The following TP63 variants were observed in gnomAD, a reference collection of about 807,000 sequenced individuals.
The protein encoded by TP63 is tumor protein 63.
Under a neutral mutation model 82.8 loss-of-function variants are expected in TP63, and 17 were observed. The ratio of observed to expected loss-of-function variants is 0.21; its 90% CI spans 0.14 to 0.31. The LOEUF (loss-of-function observed/expected upper bound fraction) is 0.31. TP63 is among the 10% of genes least tolerant of loss of function. The pLI, the probability that TP63 is intolerant of heterozygous loss-of-function variation, is 1.00. For synonymous variants in TP63, 330 were observed against 321.7 expected, an observed-to-expected ratio of 1.03 and a Z score of -0.28; for missense variants, 648 against 895.3, an observed-to-expected ratio of 0.72 and a Z score of 3.52.
At chr3:189,763,350 C>T (rs1358013506) in intron 3 of TP63, among the ~76,000 whole-genome samples, 1 of 152,156 alleles carries the variant, frequency 6.6e-6, no homozygotes, top group Non-Finnish European at 1.5e-5. Context: ...CAAACTCTAT[C>T]TGAATAATGT....
intron 1 of TP63, among the ~76,000 whole-genome samples, chr3:189,662,665 G>A (rs142270127): frequency 6.6e-6 from 1 of 151,830 alleles, no homozygotes; most frequent in Non-Finnish European, 1.5e-5. Context: ...CAAATATATA[G>A]TACAGTATTT....
intron 10 of TP63, among the ~76,000 whole-genome samples, chr3:189,883,289 C>G (rs541229850): frequency 1.3e-5 from 2 of 152,214 alleles, no homozygotes; most frequent in South Asian, 2.1e-4. Context: ...TCTTCTAGTT[C>G]AGTCATTTTG....
chr3:189,738,833 A>G, intron 3 of TP63, 59 bp downstream of exon 3: 1 of 1,599,974 alleles, frequency 6.3e-7, no homozygotes, highest in Non-Finnish European at 8.5e-7. Flanking sequence ...GCTCTGTTAA[A>G]CCTGTCTTTT....
At chr3:189,653,939 G>A (rs1713106242) in intron 1 of TP63, among the ~76,000 whole-genome samples, 1 of 152,050 alleles carries the variant, frequency 6.6e-6, no homozygotes, top group South Asian at 2.1e-4. Context: ...GTGTTTCATG[G>A]GGTCCTAAGT....
the TP63 span, among the ~76,000 whole-genome samples, chr3:189,598,241 TGGAGA>T: frequency 2.2e-5 from 3 of 137,202 alleles, no homozygotes; most frequent in African/African-American, 8.3e-5. Flanking sequence ...GGAGTAGAGA[TGGAGA>T]GGAGAGGAGG....
chr3:189,790,745 C>T (rs993098219), intron 3 of TP63, among the ~76,000 whole-genome samples: 4 of 151,938 alleles, frequency 2.6e-5, no homozygotes, highest in Non-Finnish European at 4.4e-5. Context: ...AGAGAGAGTT[C>T]GGTGTTTCAG....
At position 189,647,536 on chromosome 3, in the gene TP63, G is replaced by A. The variant is rs151296400; in HGVS notation, c.62+15959G>A. On this transcript the variant is annotated intron_variant, in intron 1 of 13. Transcript: ENST00000264731. ...GATCCAGAGGGTTGACAGAGGATCCGTTGATTATATTTATCTGGAAAGCCA... is the reference window on the plus strand; with the variant it reads ...GATCCAGAGGGTTGACAGAGGATCCATTGATTATATTTATCTGGAAAGCCA... Among the ~76,000 whole-genome samples, 3 of 146,460 alleles carry A rather than the reference G, an allele frequency of 2.0e-5. 1 individual carries two copies. In the East Asian group the frequency reaches 7.2e-4, roughly 35 times the overall value.
chr3:189,888,904 A>C (rs1720732591), intron 11 of TP63, among the ~76,000 whole-genome samples: 3 of 152,194 alleles, frequency 2.0e-5, no homozygotes, highest in Admixed American at 2.0e-4. Context: ...CACTTACCCT[A>C]AGTTTACTGA....
chr3:189,891,920 C>T (rs1331804635), intron 13 of TP63, among the ~76,000 whole-genome samples: 3 of 152,060 alleles, frequency 2.0e-5, no homozygotes, highest in African/African-American at 7.2e-5. Context: ...CCTTGAGCAC[C>T]GATGCTAGAG....
chr3:189,845,310 T>C (rs1714719368), intron 4 of TP63, among the ~76,000 whole-genome samples: 1 of 152,220 alleles, frequency 6.6e-6, no homozygotes, highest in Non-Finnish European at 1.5e-5. Context: ...TAGATAACAG[T>C]GAAGTCCTCA....
At chr3:189,808,728 C>A (rs561640564) in intron 4 of TP63, among the ~76,000 whole-genome samples, 2 of 152,212 alleles carry the variant, frequency 1.3e-5, no homozygotes, top group African/African-American at 4.8e-5. Context: ...CAAACGTCTG[C>A]GTTCTAGCCA....
At chr3:189,697,658 A>G (rs1717491845) in intron 1 of TP63, among the ~76,000 whole-genome samples, 1 of 152,058 alleles carries the variant, frequency 6.6e-6, no homozygotes, top group Non-Finnish European at 1.5e-5. Context: ...TAACATCTAG[A>G]CAGTATTGAG....
At chr3:189,764,174 C>T (rs1231318249) in intron 3 of TP63, among the ~76,000 whole-genome samples, 1 of 152,124 alleles carries the variant, frequency 6.6e-6, no homozygotes, top group Non-Finnish European at 1.5e-5. Context: ...AGATAAGGCC[C>T]TATGAATTGT....
rs115834811 is a variant in TP63 at position 189,776,183 on chromosome 3, G to A, written c.325-32089G>A. ...TATTGTCTTTCTCTAAAATAAAAAC[G>A]TGTGGTTATATGATTTCTAAAGTCT... On this transcript the variant is annotated intron_variant, in intron 3 of 13. Transcript: ENST00000264731. Among the ~76,000 whole-genome samples, 332 of 152,252 alleles carry A rather than the reference G, an allele frequency of 2.2e-3. 2 individuals are homozygous for A. The highest frequency in any genetic ancestry group is 0.014 in the Middle Eastern group (4 of 294).
the TP63 span, among the ~76,000 whole-genome samples, chr3:189,625,531 T>C: frequency 1.3e-5 from 2 of 152,108 alleles, no homozygotes; most frequent in Admixed American, 1.3e-4. Context: ...AAGACAATTG[T>C]CAAATCTGAA....
chr3:189,729,288 A>C (rs933580345), intron 1 of TP63, among the ~76,000 whole-genome samples: 2 of 152,194 alleles, frequency 1.3e-5, no homozygotes, highest in African/African-American at 4.8e-5. Flanking sequence ...ACTCCCTCAG[A>C]ATTAATGACT....
chr3:189,724,824 G>A (rs1476562241), intron 1 of TP63, among the ~76,000 whole-genome samples: 1 of 152,140 alleles, frequency 6.6e-6, no homozygotes, highest in Non-Finnish European at 1.5e-5. Context: ...GATGCATCCG[G>A]GAACGGGGCA....
chr3:189,683,858 G>C (rs1434531744), intron 1 of TP63, among the ~76,000 whole-genome samples: 1 of 152,182 alleles, frequency 6.6e-6, no homozygotes, highest in Non-Finnish European at 1.5e-5. Context: ...TGCTCTCAAA[G>C]TGTTAAAGTG....
rs183186295 is a variant in TP63 at position 189,828,271 on chromosome 3, A to T, written c.579+19745A>T. Among the ~76,000 whole-genome samples, 132 of 149,614 alleles carry T rather than the reference A, an allele frequency of 8.8e-4. 1 individual carries two copies. Among genetic ancestry groups the T allele is most frequent in the African/African-American group, 2.9e-3 (120 of 40,856 alleles). ...AAGCAAAAAAAAAAAAAAGAGAGAG[A>T]GATACGGAGATATGGGCAGGCAAAG... On this transcript the variant is annotated intron_variant, in intron 4 of 13. Transcript: ENST00000264731.
Sources: gnomAD v4.1 joint callset for allele counts (sites outside exome capture counted in the v4.1 genomes callset) on GRCh38, gnomAD v4.1.1 for gene constraint, MANE v1.5 for transcripts, NCBI Gene and HGNC (gene_info 2026-07-23, HGNC 2026-07-21) for gene names.